The following MEF2A variants were observed in gnomAD, a reference collection of about 807,000 sequenced individuals.
MEF2A encodes myocyte-specific enhancer factor 2A.
Under a neutral mutation model 55.8 loss-of-function variants are expected in MEF2A, and 28 were observed. The ratio of observed to expected loss-of-function variants is 0.50; its 90% CI spans 0.37 to 0.69. MEF2A has a LOEUF of 0.69. Among genes scored for constraint, MEF2A ranks in the 30% least tolerant of loss-of-function variants. MEF2A has a pLI of 0.00. For missense variants in MEF2A, 528 were observed against 626.2 expected (o/e 0.84, Z 1.67); for synonymous variants, 239 against 227.1 (o/e 1.05, Z -0.47).
At chr15:99,652,787 G>C (rs2047067142) in intron 4 of MEF2A, among the ~76,000 whole-genome samples, 1 of 152,110 alleles carries the variant, frequency 6.6e-6, no homozygotes, top group Non-Finnish European at 1.5e-5. Context: ...TTTGAAGGGA[G>C]TTGAAGAAAA....
chr15:99,705,194 C>T (rs1567498433), intron 9 of MEF2A, among the ~76,000 whole-genome samples: 1 of 152,140 alleles, frequency 6.6e-6, no homozygotes, highest in Non-Finnish European at 1.5e-5. Flanking sequence ...TTAAGACCAG[C>T]GACAGATTCC....
At chr15:99,652,480 A>T (rs532414935) in intron 4 of MEF2A, among the ~76,000 whole-genome samples, 2 of 152,244 alleles carry the variant, frequency 1.3e-5, no homozygotes, top group South Asian at 4.2e-4. Context: ...TTTAAAGGTT[A>T]TGGTAGGTGG....
At chr15:99,665,755 A>AG (rs2049539030) in intron 4 of MEF2A, among the ~76,000 whole-genome samples, 1 of 145,542 alleles carries the variant, frequency 6.9e-6, no homozygotes, top group Admixed American at 6.8e-5. Flanking sequence ...AAAAAAAAAA[A>AG]GCCATCAAAA....
chr15:99,586,350 A>G (rs1967260986), intron 1 of MEF2A, among the ~76,000 whole-genome samples: 1 of 152,098 alleles, frequency 6.6e-6, no homozygotes, highest in Admixed American at 6.6e-5. Context: ...TTGCATTGTG[A>G]GCCTTTTTAA....
chr15:99,644,052 C>G (rs922332200), intron 3 of MEF2A, among the ~76,000 whole-genome samples: 4 of 152,158 alleles, frequency 2.6e-5, no homozygotes, highest in African/African-American at 9.7e-5. Context: ...AGAACCTTCT[C>G]AACTCTATTT....
At chr15:99,576,018 T>C (rs1015405776) in intron 1 of MEF2A, among the ~76,000 whole-genome samples, 5 of 152,230 alleles carry the variant, frequency 3.3e-5, no homozygotes, top group African/African-American at 1.2e-4. Context: ...CAGTAAGATA[T>C]TCCAGGCTCA....
intron 2 of MEF2A, among the ~76,000 whole-genome samples, chr15:99,630,043 C>G (rs2042704060): frequency 1.3e-5 from 2 of 149,588 alleles, no homozygotes; most frequent in African/African-American, 2.5e-5. Flanking sequence ...CCTTCTCCCC[C>G]TCTCTCCCCT....
At chr15:99,636,663 A>T (rs899896086) in intron 3 of MEF2A, among the ~76,000 whole-genome samples, 2 of 152,220 alleles carry the variant, frequency 1.3e-5, no homozygotes, top group East Asian at 3.8e-4. Flanking sequence ...GTTTTAAAAA[A>T]TCAATAATAT....
intron 3 of MEF2A, among the ~76,000 whole-genome samples, 173 bp downstream of exon 3, chr15:99,633,346 TAA>T (rs2043229792): frequency 1.3e-5 from 2 of 152,110 alleles, no homozygotes; most frequent in Admixed American, 6.5e-5. Context: ...TCATCTGCTT[TAA>T]AGAGACTTCC....
chr15:99,645,816 T>C, intron 4 of MEF2A, 52 bp downstream of exon 4: 1 of 1,284,798 alleles, frequency 7.8e-7, no homozygotes, highest in South Asian at 1.5e-5. Flanking sequence ...AAATATTTTG[T>C]TTAATAGCAT....
chr15:99,690,691 A>G (rs2055243488), intron 8 of MEF2A: 1 of 567,270 alleles, frequency 1.8e-6, no homozygotes, highest in South Asian at 1.5e-5. Flanking sequence ...GTTAAGTGAA[A>G]TAAGCCAGGC....
chr15:99,654,884 A>G (rs1192917342), intron 4 of MEF2A, among the ~76,000 whole-genome samples: 1 of 152,196 alleles, frequency 6.6e-6, no homozygotes, highest in East Asian at 1.9e-4. Flanking sequence ...TAATCTTTTT[A>G]AATTTTAATT....
rs574278634 is a variant in MEF2A at position 99,630,114 on chromosome 15, T to C, written c.-142-2864T>C. 2.6e-5 allele frequency among the ~76,000 whole-genome samples: 4 copies of C among 152,128 alleles called. No homozygotes were observed. The East Asian group carries it at 7.7e-4, about 29-fold the overall frequency. On this transcript the variant is annotated intron_variant, in intron 2 of 11. Transcript: ENST00000557942. ...TTTGCTTGAGGATTGATAGAGCTTCTTGAATCTGTGGCTCGATGTCTCATT... is the reference window on the plus strand; with the variant it reads ...TTTGCTTGAGGATTGATAGAGCTTCCTGAATCTGTGGCTCGATGTCTCATT...
At chr15:99,651,738 TA>T (rs372652278) in intron 4 of MEF2A, among the ~76,000 whole-genome samples, 9 of 152,348 alleles carry the variant, frequency 5.9e-5, no homozygotes, top group East Asian at 1.9e-4. Flanking sequence ...GAATATTATT[TA>T]ATCATACAAT....
chr15:99,684,544 A>T (rs2053853354), intron 7 of MEF2A, among the ~76,000 whole-genome samples: 1 of 152,142 alleles, frequency 6.6e-6, no homozygotes. Context: ...GCCTTTGCCC[A>T]CTTTTTGATG....
At chr15:99,626,437 T>C (rs2153353714) in intron 2 of MEF2A, among the ~76,000 whole-genome samples, 1 of 152,278 alleles carries the variant, frequency 6.6e-6, no homozygotes, top group South Asian at 2.1e-4. Context: ...GTTGATTTTT[T>C]TTTTCCGTTG....
intron 1 of MEF2A, among the ~76,000 whole-genome samples, chr15:99,566,843 G>C (rs898825413): frequency 2.0e-5 from 3 of 152,298 alleles, no homozygotes; most frequent in Non-Finnish European, 2.9e-5. Flanking sequence ...ACGCCCGATC[G>C]TGCGGGGAGA....
At chr15:99,675,604 C>CT in intron 7 of MEF2A, 146 bp downstream of exon 7, 1 of 646,038 alleles carries the variant, frequency 1.5e-6, no homozygotes. Flanking sequence ...TAAGGGGAGA[C>CT]TTTCTCTAAC....
intron 2 of MEF2A, among the ~76,000 whole-genome samples, chr15:99,623,680 T>C (rs1229128189): frequency 6.6e-6 from 1 of 152,206 alleles, no homozygotes; most frequent in Non-Finnish European, 1.5e-5. Context: ...TTATTGAACA[T>C]TGGTTTATCT....
Sources: allele counts gnomAD v4.1 joint callset (sites outside exome capture counted in the v4.1 genomes callset), GRCh38; gene constraint gnomAD v4.1.1; transcripts MANE v1.5; gene names NCBI Gene and HGNC (gene_info 2026-07-23, HGNC 2026-07-21).